SNTG2: variants seen among roughly 807,000 people sequenced by gnomAD.
The protein encoded by SNTG2 is gamma-2-syntrophin.
SNTG2 carries 74 observed loss-of-function variants against 70.9 expected under a neutral mutation model. That is an observed-to-expected ratio of 1.04 (90% confidence interval 0.86 to 1.27). The LOEUF is 1.27. Among genes scored for constraint, SNTG2 ranks in the 50% most tolerant of loss-of-function variants. The probability of loss-of-function intolerance (pLI) is 0.00; values close to 1 mark genes in which losing one functional copy is unlikely to be tolerated. For synonymous variants in SNTG2, 278 were observed against 273.8 expected (o/e 1.02, Z -0.15); for missense variants, 717 against 690.7 (o/e 1.04, Z -0.43).
chr2:1,308,737 C>T (rs1353920145), intron 15 of SNTG2, among the ~76,000 whole-genome samples, 151 bp downstream of exon 15: 5 of 152,018 alleles, frequency 3.3e-5, no homozygotes, highest in Non-Finnish European at 7.4e-5. Flanking sequence ...ACTTTTTTTT[C>T]TGATAGCTCA....
intron 1 of SNTG2, among the ~76,000 whole-genome samples, chr2:1,020,679 T>C (rs1393649340): frequency 6.6e-6 from 1 of 152,228 alleles, no homozygotes; most frequent in Non-Finnish European, 1.5e-5. Context: ...GTTTTGTTCT[T>C]GCTGATTATT....
intron 8 of SNTG2, among the ~76,000 whole-genome samples, chr2:1,196,706 G>A (rs963557688): frequency 2.0e-5 from 3 of 152,052 alleles, no homozygotes; most frequent in South Asian, 2.1e-4. Flanking sequence ...ATACAGGCTG[G>A]GAGAAAATGA....
At chr2:1,319,778 G>A (rs1191272048) in intron 16 of SNTG2, among the ~76,000 whole-genome samples, 1 of 152,184 alleles carries the variant, frequency 6.6e-6, no homozygotes, top group Non-Finnish European at 1.5e-5. Flanking sequence ...ATTTTCAGAA[G>A]TCACCTTCAC....
At chr2:1,174,285 T>C (rs1022224196) in intron 8 of SNTG2, among the ~76,000 whole-genome samples, 1 of 103,212 alleles carries the variant, frequency 9.7e-6, no homozygotes, top group African/African-American at 4.7e-5. Context: ...AAAAAAGTTT[T>C]ATCCATATAT....
intron 1 of SNTG2, among the ~76,000 whole-genome samples, chr2:1,066,902 G>A (rs967056497): frequency 1.3e-5 from 2 of 152,036 alleles, no homozygotes; most frequent in African/African-American, 4.8e-5. Flanking sequence ...TTCCAATGGC[G>A]TCGCTACGCT....
At chr2:1,008,537 A>G (rs1012139657) in intron 1 of SNTG2, among the ~76,000 whole-genome samples, 3 of 152,220 alleles carry the variant, frequency 2.0e-5, no homozygotes, top group Non-Finnish European at 4.4e-5. Flanking sequence ...AGTGTACTGC[A>G]TTAAAACATG....
At chr2:1,135,158 A>G (rs1213037061) in intron 4 of SNTG2, among the ~76,000 whole-genome samples, 2 of 152,190 alleles carry the variant, frequency 1.3e-5, no homozygotes, top group African/African-American at 2.4e-5. Context: ...TCACTGCGTT[A>G]GTTCCAGACA....
chr2:1,284,178 G>A (rs986814087), intron 14 of SNTG2, among the ~76,000 whole-genome samples: 15 of 152,174 alleles, frequency 9.9e-5, no homozygotes, highest in Admixed American at 2.6e-4. Context: ...AACTAAGAGC[G>A]CTGGTGGTAA....
chr2:1,069,946 T>G (rs1305515326), intron 1 of SNTG2, among the ~76,000 whole-genome samples: 2 of 151,940 alleles, frequency 1.3e-5, no homozygotes, highest in Non-Finnish European at 2.9e-5. Context: ...ACCGCCTAGG[T>G]TCCCTGGACG....
intron 16 of SNTG2, among the ~76,000 whole-genome samples, chr2:1,334,034 A>C (rs1572995735): frequency 6.6e-6 from 1 of 152,248 alleles, no homozygotes; most frequent in African/African-American, 2.4e-5. Context: ...AATCTTCGCA[A>C]TCTATATATT....
At chr2:1,186,051 T>G (rs764031303) in intron 8 of SNTG2, among the ~76,000 whole-genome samples, 2 of 152,234 alleles carry the variant, frequency 1.3e-5, no homozygotes, top group Non-Finnish European at 2.9e-5. Context: ...GGCCCCATCT[T>G]GAATGCTTTG....
chr2:1,197,489 GTATGTATATATGTGTATGTATATATA>G (rs1435385247), intron 8 of SNTG2, among the ~76,000 whole-genome samples: 1 of 126,702 alleles, frequency 7.9e-6, no homozygotes, highest in Non-Finnish European at 1.7e-5. Context: ...ATATATATGT[GTATGTATATATGTGTATGTATATATA>G]TGTGTGTGTG....
intron 14 of SNTG2, among the ~76,000 whole-genome samples, chr2:1,289,607 T>A (rs562934545): frequency 4.9e-4 from 74 of 152,354 alleles, no homozygotes; most frequent in African/African-American, 1.5e-3. Context: ...CCTGTAGCCA[T>A]GTTTGGAGTA....
intron 14 of SNTG2, among the ~76,000 whole-genome samples, chr2:1,280,460 G>A (rs901280357): frequency 3.9e-5 from 6 of 152,004 alleles, no homozygotes; most frequent in Admixed American, 1.3e-4. Flanking sequence ...TAAATGTTTC[G>A]TTTTCCTTAA....
chr2:1,351,512 G>A (rs745338893), intron 16 of SNTG2, among the ~76,000 whole-genome samples: 32 of 152,146 alleles, frequency 2.1e-4, no homozygotes, highest in Non-Finnish European at 1.8e-4. Flanking sequence ...AAGGAAGGTA[G>A]ATCTTTGAAT....
chr2:992,017 C>T (rs981375237), intron 1 of SNTG2, among the ~76,000 whole-genome samples: 6 of 152,064 alleles, frequency 3.9e-5, no homozygotes, highest in Non-Finnish European at 5.9e-5. Flanking sequence ...TAGTATCAGG[C>T]ATGTGATGCA....
chr2:963,793 G>A (rs1393073682), intron 1 of SNTG2, among the ~76,000 whole-genome samples: 1 of 152,114 alleles, frequency 6.6e-6, no homozygotes, highest in Non-Finnish European at 1.5e-5. Context: ...ACAGTTTACA[G>A]GACACATCTC....
chr2:1,148,246 A>G (rs965053336), intron 6 of SNTG2, among the ~76,000 whole-genome samples: 6 of 152,166 alleles, frequency 3.9e-5, no homozygotes, highest in Admixed American at 3.3e-4. Context: ...GGCCTTAGTG[A>G]TTTCCTGGTT....
At chr2:1,319,722 G>A (rs1681437155) in intron 16 of SNTG2, among the ~76,000 whole-genome samples, 1 of 152,224 alleles carries the variant, frequency 6.6e-6, no homozygotes, top group South Asian at 2.1e-4. Context: ...ACACATATGT[G>A]GATAACTGCA....
Sources: gnomAD v4.1 joint callset for allele counts (sites outside exome capture counted in the v4.1 genomes callset) on GRCh38, gnomAD v4.1.1 for gene constraint, MANE v1.5 for transcripts, NCBI Gene and HGNC (gene_info 2026-07-23, HGNC 2026-07-21) for gene names.